Variants in CDH10 observed in about 807,000 individuals in gnomAD.
CDH10 encodes cadherin 10.
Under a neutral mutation model 73.1 loss-of-function variants are expected in CDH10, and 30 were observed. The observed-to-expected ratio is 0.41, with a 90% CI of 0.31 to 0.56. The LOEUF is 0.56. Ranked by LOEUF, CDH10 falls within the 20% of genes least tolerant of loss-of-function variation. The pLI is 0.27. For synonymous variants in CDH10, 345 were observed against 348.2 expected, an observed-to-expected ratio of 0.99 and a Z score of 0.10; for missense variants, 815 against 973.7, an observed-to-expected ratio of 0.84 and a Z score of 2.17.
intron 5 of CDH10, among the ~76,000 whole-genome samples, chr5:24,529,872 C>T (rs1743668793): frequency 6.6e-6 from 1 of 151,910 alleles, no homozygotes; most frequent in African/African-American, 2.4e-5. Flanking sequence ...TGTACAGAAG[C>T]ATGATTCTAT....
chr5:24,498,181 T>C (rs1211027719), intron 9 of CDH10, among the ~76,000 whole-genome samples: 1 of 152,212 alleles, frequency 6.6e-6, no homozygotes, highest in Middle Eastern at 3.2e-3. Flanking sequence ...AAAATTTTAT[T>C]CACACATTAG....
chr5:24,604,871 T>TCAAAAAAAAAAAA lies in CDH10; in HGVS notation c.-123-11259_-123-11258insTTTTTTTTTTTTG, dbSNP rs1453322652. On this transcript the variant is annotated intron_variant, in intron 1 of 11. Coordinates refer to ENST00000264463, the MANE Select transcript of CDH10 (RefSeq NM_006727.5). ...CTGGGGAACAAGAGCAAGATGTCTC[T>TCAAAAAAAAAAAA]AAAAAAAAAAAAAAAAAAAAAAAAC... Among the ~76,000 whole-genome samples the TCAAAAAAAAAAAA allele has an allele frequency of 6.9e-5, 8 of 116,324 alleles. 1 individual carries two copies. The highest frequency in any genetic ancestry group is 8.3e-3 in the Middle Eastern group (2 of 242). The allele number at this position is 116,324 out of a possible 152,430, so 76.3% of individuals were successfully genotyped here.
At chr5:24,566,241 T>C (rs1745161087) in intron 2 of CDH10, among the ~76,000 whole-genome samples, 1 of 152,034 alleles carries the variant, frequency 6.6e-6, no homozygotes, top group South Asian at 2.1e-4. Context: ...AGAGGCAGGA[T>C]TTCACCATGT....
intron 2 of CDH10, among the ~76,000 whole-genome samples, chr5:24,589,474 C>T (rs560266665): frequency 7.3e-5 from 11 of 151,008 alleles, no homozygotes; most frequent in Admixed American, 2.0e-4. Context: ...TTTATGGTTG[C>T]CCCTTTATGT....
intron 11 of CDH10, 146 bp from the exon 12 acceptor site, chr5:24,488,299 G>A: frequency 1.4e-6 from 1 of 711,948 alleles, no homozygotes; most frequent in Non-Finnish European, 2.3e-6. Context: ...CACAGTTTGG[G>A]GGAGGTGTCA....
chr5:24,560,102 C>A (rs1382077261), intron 2 of CDH10, among the ~76,000 whole-genome samples: 1 of 152,046 alleles, frequency 6.6e-6, no homozygotes, highest in African/African-American at 2.4e-5. Context: ...CAGTAATCCA[C>A]GATCCCAGAT....
At chr5:24,644,526 C>G (rs1561212814) in intron 1 of CDH10, 68 bp downstream of exon 1, 3 of 152,002 alleles carry the variant, frequency 2.0e-5, no homozygotes, top group South Asian at 4.2e-4. Context: ...CTCTCCCCCC[C>G]CACCCCTCAA....
At chr5:24,619,747 T>C (rs755496080) in intron 1 of CDH10, among the ~76,000 whole-genome samples, 1 of 152,068 alleles carries the variant, frequency 6.6e-6, no homozygotes, top group Non-Finnish European at 1.5e-5. Flanking sequence ...GTCTAGGAGA[T>C]GATTGGGTCA....
chr5:24,546,552 CAT>C (rs1162884053), intron 2 of CDH10, among the ~76,000 whole-genome samples: 3 of 151,950 alleles, frequency 2.0e-5, no homozygotes, highest in East Asian at 3.9e-4. Context: ...ATACTTTTTA[CAT>C]GTGTGTGTAT....
intron 1 of CDH10, among the ~76,000 whole-genome samples, chr5:24,622,057 G>A (rs1355451061): frequency 6.6e-6 from 1 of 152,194 alleles, no homozygotes; most frequent in Admixed American, 6.5e-5. Context: ...TTTACACCAA[G>A]AGAGACATTT....
intron 1 of CDH10, among the ~76,000 whole-genome samples, chr5:24,602,556 T>C (rs1450603680): frequency 1.3e-5 from 2 of 152,178 alleles, no homozygotes; most frequent in Non-Finnish European, 2.9e-5. Flanking sequence ...GTTACAGCAC[T>C]TTTTACCTAT....
chr5:24,502,723 A>G (rs1346892374), intron 8 of CDH10, among the ~76,000 whole-genome samples: 1 of 152,190 alleles, frequency 6.6e-6, no homozygotes, highest in Non-Finnish European at 1.5e-5. Flanking sequence ...AATATCTGTA[A>G]GGGAAAATGC....
chr5:24,630,338 C>T (rs1018255206), intron 1 of CDH10, among the ~76,000 whole-genome samples: 2 of 151,726 alleles, frequency 1.3e-5, no homozygotes, highest in African/African-American at 4.8e-5. Context: ...GATCACTTGA[C>T]GTCAGGAGTT....
chr5:24,536,545 T>C (rs1336477647), intron 3 of CDH10, among the ~76,000 whole-genome samples: 2 of 152,086 alleles, frequency 1.3e-5, no homozygotes, highest in Non-Finnish European at 2.9e-5. Flanking sequence ...TCTATTCTCT[T>C]ACCAAATCCA....
chr5:24,592,203 A>G (rs996509058), intron 2 of CDH10, among the ~76,000 whole-genome samples: 17 of 151,982 alleles, frequency 1.1e-4, no homozygotes, highest in African/African-American at 3.9e-4. Flanking sequence ...TCAGTGTTTT[A>G]AAATCACTGA....
intron 1 of CDH10, among the ~76,000 whole-genome samples, chr5:24,625,986 A>G (rs1282256094): frequency 1.3e-5 from 2 of 152,124 alleles, no homozygotes; most frequent in East Asian, 3.9e-4. Flanking sequence ...TGCTACATTA[A>G]TATGAATTAA....
intron 3 of CDH10, among the ~76,000 whole-genome samples, chr5:24,536,892 A>G (rs1561147868): frequency 6.6e-6 from 1 of 151,818 alleles, no homozygotes; most frequent in African/African-American, 2.4e-5. Flanking sequence ...TAATGATAGG[A>G]TTTTTTTATG....
chr5:24,542,997 A>G (rs922331931), intron 2 of CDH10, among the ~76,000 whole-genome samples: 2 of 152,178 alleles, frequency 1.3e-5, no homozygotes, highest in African/African-American at 2.4e-5. Flanking sequence ...TTAACTCTTA[A>G]TATCGATTCA....
intron 1 of CDH10, among the ~76,000 whole-genome samples, chr5:24,620,285 G>C (rs1265255725): frequency 6.6e-6 from 1 of 151,914 alleles, no homozygotes; most frequent in Non-Finnish European, 1.5e-5. Context: ...ATTATAGTTT[G>C]ACAAAACAAT....
Sources: gnomAD v4.1 joint callset for allele counts (sites outside exome capture counted in the v4.1 genomes callset) on GRCh38, gnomAD v4.1.1 for gene constraint, MANE v1.5 for transcripts, NCBI Gene and HGNC (gene_info 2026-07-23, HGNC 2026-07-21) for gene names.